GALNT18: variants seen among roughly 807,000 people sequenced by gnomAD.
GALNT18 encodes GalNAc-transferase 18.
Under a neutral mutation model 69.5 loss-of-function variants are expected in GALNT18, and 44 were observed. The observed-to-expected ratio is 0.63, with a 90% CI of 0.50 to 0.81. GALNT18 has a LOEUF of 0.81. GALNT18 is among the 40% of genes least tolerant of loss of function. GALNT18 has a pLI of 0.00. For synonymous variants in GALNT18, 364 were observed against 318.2 expected, an observed-to-expected ratio of 1.14 and a Z score of -1.53; for missense variants, 715 against 810.0, an observed-to-expected ratio of 0.88 and a Z score of 1.42.
chr11:11,475,927 G>C (rs1856385427), intron 1 of GALNT18: 1 of 152,192 alleles, frequency 6.6e-6, no homozygotes, highest in African/African-American at 2.4e-5. Context: ...AACAGGCACT[G>C]AATCCAGGAA....
At chr11:11,348,889 G>C (rs1182455006) in intron 6 of GALNT18, among the ~76,000 whole-genome samples, 1 of 152,190 alleles carries the variant, frequency 6.6e-6, no homozygotes, top group Non-Finnish European at 1.5e-5. Flanking sequence ...CTCTGTGTGT[G>C]TGTGCAGCTT....
intron 1 of GALNT18, among the ~76,000 whole-genome samples, chr11:11,509,916 G>A (rs1269374620): frequency 1.3e-5 from 2 of 152,214 alleles, no homozygotes; most frequent in Admixed American, 6.5e-5. Flanking sequence ...CCAGCACCAC[G>A]CAGAAAGAGT....
chr11:11,571,697 T>C (rs9919634), intron 1 of GALNT18, among the ~76,000 whole-genome samples: 128,637 of 151,748 alleles, frequency 0.85, 54,643 homozygotes, highest in South Asian at 0.92. Context: ...GTTTCAATCC[T>C]ATTTAAATAG....
Position 11,387,914 on chromosome 11 carries a change from C to G in GALNT18, c.596-8650G>C, listed in dbSNP as rs1854093002. Among the ~76,000 whole-genome samples, 1 of 152,180 alleles carries G rather than the reference C, an allele frequency of 6.6e-6. No homozygotes were observed. The highest frequency in any genetic ancestry group is 6.5e-5 in the Admixed American group (1 of 15,280). Reference sequence around the variant, plus strand: ...GATCACTCCAGACAAGCTTTCAAACCCTGGGCAGTTTACAAATGCCTTCCC... The same window carrying G: ...GATCACTCCAGACAAGCTTTCAAACGCTGGGCAGTTTACAAATGCCTTCCC... On this transcript the variant is annotated intron_variant, in intron 3 of 10. Transcript: ENST00000227756. This position sits in a 1 kb window ranked among gnomAD's most constrained non-coding sequence, Gnocchi z 4.6.
At chr11:11,423,435 A>T (rs1855057997) in intron 3 of GALNT18, among the ~76,000 whole-genome samples, 1 of 152,190 alleles carries the variant, frequency 6.6e-6, no homozygotes, top group South Asian at 2.1e-4. Context: ...CCCTCTCACA[A>T]GGTGACCTAA....
chr11:11,523,476 T>C lies in GALNT18; in HGVS notation c.236-74540A>G, dbSNP rs1857445662. 6.6e-6 allele frequency among the ~76,000 whole-genome samples: 1 copy of C among 152,012 alleles called. No homozygotes were observed. Among genetic ancestry groups the C allele is most frequent in the Non-Finnish European group, 1.5e-5 (1 of 68,024 alleles). On this transcript the variant is annotated intron_variant, in intron 1 of 10. Transcript: ENST00000227756. The surrounding 1 kb of genome is among the most constrained non-coding windows in gnomAD (Gnocchi z 4.3). Reference sequence around the variant, plus strand: ...CTTAAAATTCTTACACCGTGCCACTTTGGGAGGCTGAGGCGGGTGGATCAT... The same window carrying C: ...CTTAAAATTCTTACACCGTGCCACTCTGGGAGGCTGAGGCGGGTGGATCAT...
chr11:11,357,503 C>A (rs1850555762), intron 6 of GALNT18, among the ~76,000 whole-genome samples: 1 of 152,202 alleles, frequency 6.6e-6, no homozygotes, highest in Non-Finnish European at 1.5e-5. Context: ...AATCTGTCTT[C>A]TATCACTTCC....
At chr11:11,472,184 G>A (rs938909888) in intron 1 of GALNT18, among the ~76,000 whole-genome samples, 13 of 152,184 alleles carry the variant, frequency 8.5e-5, no homozygotes, top group African/African-American at 2.9e-4. Context: ...ACCTGGATGG[G>A]GGCCATGTCT....
chr11:11,460,536 G>A (rs1157276163), intron 1 of GALNT18, among the ~76,000 whole-genome samples: 1 of 152,170 alleles, frequency 6.6e-6, no homozygotes, highest in Non-Finnish European at 1.5e-5. Flanking sequence ...AGCTGTGAAG[G>A]AGCCTTATCT....
Position 11,378,615 on chromosome 11 carries a change from G to A in GALNT18, c.779+466C>T, listed in dbSNP as rs528406401. Among the ~76,000 whole-genome samples, 4 of 152,326 alleles carry A rather than the reference G, an allele frequency of 2.6e-5. No homozygotes were observed. In the South Asian group the frequency reaches 8.3e-4, roughly 32 times the overall value. ...TACGTGCTACCTCCAATCTGGCAGTGGGAAAGCCCAGGGCACCTGTGACAA... is the reference window on the plus strand; with the variant it reads ...TACGTGCTACCTCCAATCTGGCAGTAGGAAAGCCCAGGGCACCTGTGACAA... On this transcript the variant is annotated intron_variant, in intron 4 of 10. Transcript: ENST00000227756.
At position 11,497,918 on chromosome 11, in the gene GALNT18, A is replaced by G. The variant is rs1856900315; in HGVS notation, c.236-48982T>C. On this transcript the variant is annotated intron_variant, in intron 1 of 10. Transcript: ENST00000227756. This position sits in a 1 kb window ranked among gnomAD's most constrained non-coding sequence, Gnocchi z 4.2. The stretch of plus-strand genomic sequence containing the variant: ...TTGTTTTCCCTTTTTAAAAATTATA[A>G]TTCATTTTTCAGGCCTTGTTCAGCT... 1.3e-5 allele frequency among the ~76,000 whole-genome samples: 2 copies of G among 152,050 alleles called. No individual in the cohort carries two copies. Among genetic ancestry groups the G allele is most frequent in the Non-Finnish European group, 2.9e-5 (2 of 68,030 alleles).
chr11:11,445,264 C>T (rs114290005), intron 2 of GALNT18, among the ~76,000 whole-genome samples: 367 of 152,292 alleles, frequency 2.4e-3, no homozygotes, highest in African/African-American at 8.4e-3. Context: ...ATATCATCTC[C>T]CCATGCCTCA....
At chr11:11,420,824 G>C (rs1431159568) in intron 3 of GALNT18, among the ~76,000 whole-genome samples, 1 of 152,134 alleles carries the variant, frequency 6.6e-6, no homozygotes, top group Non-Finnish European at 1.5e-5. Flanking sequence ...GAGGGCAGGA[G>C]AAACCCCTCC....
Position 11,372,449 on chromosome 11 carries a change from C to T in GALNT18, c.1092+66G>A, listed in dbSNP as rs1850930828. On this transcript the variant is annotated intron_variant, in intron 6 of 10. Transcript: ENST00000227756. The surrounding 1 kb of genome is among the most constrained non-coding windows in gnomAD (Gnocchi z 4.9). ...CCCTCAACCTTAAACCCCATTTCTCCACCCCCAGACTCATTCACCCTGGTG... is the reference window on the plus strand; with the variant it reads ...CCCTCAACCTTAAACCCCATTTCTCTACCCCCAGACTCATTCACCCTGGTG... 1 of 1,241,824 alleles carries T rather than the reference C, an allele frequency of 8.1e-7. No individual in the cohort carries two copies. The highest frequency in any genetic ancestry group is 1.2e-6 in the Non-Finnish European group (1 of 844,122). The allele number at this position is 1,241,824 out of a possible 1,614,324, so 76.9% of individuals were successfully genotyped here.
At chr11:11,552,870 G>A (rs1858233373) in intron 1 of GALNT18, among the ~76,000 whole-genome samples, 1 of 152,026 alleles carries the variant, frequency 6.6e-6, no homozygotes, top group African/African-American at 2.4e-5. Context: ...TCAGCTCCAG[G>A]TCTCTGCTCC....
At position 11,448,872 on chromosome 11, in the gene GALNT18, G is replaced by T; in HGVS notation, c.300C>A (p.His100Gln). 6.2e-7 allele frequency: 1 copy of T among 1,608,254 alleles called. No individual in the cohort carries two copies. The highest frequency in any genetic ancestry group is 8.5e-7 in the Non-Finnish European group (1 of 1,177,398). Residue 100 changes from histidine (H) to glutamine (Q), a missense_variant, in exon 2 of 11, where the codon CAC (histidine) becomes CAA (glutamine). Physicochemically the swap from His to Gln is conservative, Grantham distance 24. Transcript: ENST00000227756. ...CTTCGGGGCTGAGCTCCTGGCCCCA[G>T]TGTGCAAACAGAGAGGAGTCTGTGA... ...EPFTDSSLFA[H>Q]WGQELSPEGR... is the part of the protein sequence containing the mutation.
intron 1 of GALNT18, among the ~76,000 whole-genome samples, chr11:11,578,044 C>T (rs773156676): frequency 1.3e-5 from 2 of 152,132 alleles, no homozygotes; most frequent in East Asian, 1.9e-4. Flanking sequence ...TCCAGAACTG[C>T]GAGAGGGAAT....
chr11:11,302,357 C>T (rs1198521555), intron 9 of GALNT18, among the ~76,000 whole-genome samples: 3 of 152,138 alleles, frequency 2.0e-5, no homozygotes, highest in African/African-American at 4.8e-5. Context: ...TTTCTGCAGC[C>T]TCTGGGTGTG....
At chr11:11,561,080 T>A (rs913943932) in intron 1 of GALNT18, among the ~76,000 whole-genome samples, 1 of 152,240 alleles carries the variant, frequency 6.6e-6, no homozygotes, top group African/African-American at 2.4e-5. Flanking sequence ...GAACAATGAA[T>A]AACCCAAATA....
Sources: gnomAD v4.1 joint callset for allele counts (sites outside exome capture counted in the v4.1 genomes callset) on GRCh38, gnomAD v4.1.1 for gene constraint, Gnocchi (gnomAD v3.1) non-coding constraint, MANE v1.5 for transcripts, NCBI Gene and HGNC (gene_info 2026-07-23, HGNC 2026-07-21) for gene names.